PSPC1: variants seen among roughly 807,000 people sequenced by gnomAD.
PSPC1 encodes the protein paraspeckle component 1, also known as paraspeckle protein 1.
A neutral mutation model predicts 51.6 loss-of-function variants in PSPC1; 14 were observed. That is an observed-to-expected ratio of 0.27 (90% CI 0.18 to 0.42). The LOEUF is 0.42. Among genes scored for constraint, PSPC1 ranks in the 10% least tolerant of loss-of-function variants. The pLI is 1.00. For synonymous variants in PSPC1, 193 were observed against 231.9 expected, an observed-to-expected ratio of 0.83 and a Z score of 1.53; for missense variants, 406 against 701.1, an observed-to-expected ratio of 0.58 and a Z score of 4.75.
At chr13:19,779,032 G>A (rs1413817940) in intron 1 of PSPC1, among the ~76,000 whole-genome samples, 16 of 135,840 alleles carry the variant, frequency 1.2e-4, no homozygotes, top group African/African-American at 4.3e-4. Context: ...TGCCCCATCT[G>A]GGATGTGAGG....
At chr13:19,725,982 C>G (rs1208697986) in intron 6 of PSPC1, among the ~76,000 whole-genome samples, 1 of 151,918 alleles carries the variant, frequency 6.6e-6, no homozygotes, top group Non-Finnish European at 1.5e-5. Flanking sequence ...CAGGGAGACC[C>G]AATCAAAAGA....
chr13:19,722,453 T>G (rs1367606358), intron 6 of PSPC1, among the ~76,000 whole-genome samples: 1 of 150,576 alleles, frequency 6.6e-6, no homozygotes, highest in Admixed American at 6.7e-5. Flanking sequence ...GGCGCTATGA[T>G]CGTGCCACTG....
At chr13:19,760,538 A>G (rs1181688639) in intron 2 of PSPC1, among the ~76,000 whole-genome samples, 1 of 151,784 alleles carries the variant, frequency 6.6e-6, no homozygotes, top group Non-Finnish European at 1.5e-5. Flanking sequence ...CAAAAAAAAA[A>G]AAAAAGTTAA....
rs68075347 is a variant in PSPC1 at position 19,694,152 on chromosome 13, C to CATAT, written c.1159-16333_1159-16330dup. Among the ~76,000 whole-genome samples, 355 of 119,876 alleles carry CATAT rather than the reference C, an allele frequency of 3.0e-3. 4 individuals carry two copies. Among genetic ancestry groups the CATAT allele is most frequent in the African/African-American group, 8.6e-3 (272 of 31,492 alleles). The allele number at this position is 119,876 out of a possible 152,430, so 78.6% of individuals were successfully genotyped here. On this transcript the variant is annotated intron_variant and NMD_transcript_variant, in intron 6 of 7. Coordinates refer to the PSPC1 transcript ENST00000471658. ...AAAAAAAAAAAAAAAAAAAAAAAACCATATATATATATATACATACACACA... is the reference window on the plus strand; with the variant it reads ...AAAAAAAAAAAAAAAAAAAAAAAACCATATATATATATATATATACATACACACA...
intron 7 of PSPC1, among the ~76,000 whole-genome samples, chr13:19,707,409 C>T (rs1056227006): frequency 6.6e-6 from 1 of 152,142 alleles, no homozygotes; most frequent in Non-Finnish European, 1.5e-5. Flanking sequence ...ATGTAGGTTT[C>T]GTTTGGTTAT....
intron 5 of PSPC1, chr13:19,736,928 G>C (rs1203849891): frequency 1.3e-5 from 2 of 151,942 alleles, no homozygotes; most frequent in African/African-American, 4.8e-5. Flanking sequence ...AAGAGATAGG[G>C]TCTTCCTATG....
chr13:19,721,913 C>T (rs1344118547), intron 6 of PSPC1, among the ~76,000 whole-genome samples: 3 of 152,188 alleles, frequency 2.0e-5, no homozygotes, highest in Admixed American at 6.5e-5. Context: ...TACCTCAATG[C>T]CACCTATGTT....
At chr13:19,715,872 G>A (rs1170101983) in intron 6 of PSPC1, among the ~76,000 whole-genome samples, 1 of 152,014 alleles carries the variant, frequency 6.6e-6, no homozygotes, top group African/African-American at 2.4e-5. Context: ...AAATTAGCTG[G>A]GCATGGTGGA....
intron 3 of PSPC1, among the ~76,000 whole-genome samples, chr13:19,753,165 C>T (rs1055673148): frequency 1.3e-5 from 2 of 151,626 alleles, no homozygotes; most frequent in Non-Finnish European, 2.9e-5. Flanking sequence ...TGCCTGCGAT[C>T]CCAGCTACTC....
chr13:19,782,371 G>A lies in PSPC1; in HGVS notation c.372+15C>T. The A allele has an allele frequency of 6.4e-7, 1 of 1,565,426 alleles. No individual in the cohort carries two copies. The highest frequency in any genetic ancestry group is 8.6e-7 in the Non-Finnish European group (1 of 1,156,276). On this transcript the variant is annotated intron_variant, in intron 1 of 8. Transcript: ENST00000338910. This position sits in a 1 kb window ranked among gnomAD's most constrained non-coding sequence, Gnocchi z 4.5. Reference sequence around the variant, plus strand: ...ACAGTCCTTTTGTTCCCTCGCGCGGGCGCCTGACACTCACCAAGCGGATGA... The same window carrying A: ...ACAGTCCTTTTGTTCCCTCGCGCGGACGCCTGACACTCACCAAGCGGATGA...
At chr13:19,710,423 TTGA>T (rs1292601663) in intron 6 of PSPC1, among the ~76,000 whole-genome samples, 2 of 152,202 alleles carry the variant, frequency 1.3e-5, no homozygotes. Flanking sequence ...TCACTTTGAC[TTGA>T]TGACCATTTC....
intron 7 of PSPC1, among the ~76,000 whole-genome samples, chr13:19,707,037 T>C (rs1286245487): frequency 1.3e-5 from 2 of 152,122 alleles, no homozygotes; most frequent in Non-Finnish European, 2.9e-5. Context: ...TTCTACAATC[T>C]AGACATGAAG....
intron 2 of PSPC1, among the ~76,000 whole-genome samples, chr13:19,767,036 TAGTGGC>T (rs1888142422): frequency 6.7e-6 from 1 of 149,828 alleles, no homozygotes; most frequent in Non-Finnish European, 1.5e-5. Context: ...AGGCCTGGAG[TAGTGGC>T]TCATGTCTGT....
At chr13:19,736,235 T>C (rs183294402) in intron 5 of PSPC1, among the ~76,000 whole-genome samples, 3 of 152,288 alleles carry the variant, frequency 2.0e-5, no homozygotes, top group Admixed American at 6.5e-5. Flanking sequence ...AACAGATTTA[T>C]TACTGCCTGT....
Position 19,759,426 on chromosome 13 carries a change from G to A in PSPC1, c.675-8C>T. Reference sequence around the variant, plus strand: ...ATGACTGGACGAGGGGTCCTGGATAGGTATAAAAGCATTCATAAAAATTAA... The same window carrying A: ...ATGACTGGACGAGGGGTCCTGGATAAGTATAAAAGCATTCATAAAAATTAA... On this transcript the variant is annotated splice_polypyrimidine_tract_variant and splice_region_variant and intron_variant, in intron 2 of 8. Transcript: ENST00000338910. 6.3e-7 allele frequency: 1 copy of A among 1,599,422 alleles called. No homozygotes were observed. Among genetic ancestry groups the A allele is most frequent in the South Asian group, 1.1e-5 (1 of 89,646 alleles).
chr13:19,738,721 C>T (rs938718663), intron 5 of PSPC1, among the ~76,000 whole-genome samples: 1 of 151,964 alleles, frequency 6.6e-6, no homozygotes, highest in African/African-American at 2.4e-5. Flanking sequence ...TCCTGGCTAA[C>T]ACGGTGAAAC....
At chr13:19,761,172 A>G (rs1431476508) in intron 2 of PSPC1, among the ~76,000 whole-genome samples, 1 of 152,086 alleles carries the variant, frequency 6.6e-6, no homozygotes, top group African/African-American at 2.4e-5. Flanking sequence ...AAAAGATGTT[A>G]GCCAGACAAA....
At chr13:19,764,192 C>T (rs542204210) in intron 2 of PSPC1, among the ~76,000 whole-genome samples, 172 of 152,210 alleles carry the variant, frequency 1.1e-3, no homozygotes, top group Middle Eastern at 6.8e-3. Context: ...GAAATCCTAA[C>T]ATATGGAGAG....
intron 3 of PSPC1, among the ~76,000 whole-genome samples, chr13:19,756,764 G>A (rs1887116498): frequency 6.6e-6 from 1 of 151,904 alleles, no homozygotes; most frequent in Non-Finnish European, 1.5e-5. Context: ...CAAAGTGCTA[G>A]GATTACACGT....
Sources: allele counts gnomAD v4.1 joint callset (sites outside exome capture counted in the v4.1 genomes callset), GRCh38; gene constraint gnomAD v4.1.1; non-coding constraint Gnocchi (gnomAD v3.1); transcripts MANE v1.5; gene names NCBI Gene and HGNC (gene_info 2026-07-23, HGNC 2026-07-21).